The following HIVEP1 variants were observed in gnomAD, a reference collection of about 807,000 sequenced individuals.
The protein encoded by HIVEP1 is zinc finger protein 40.
HIVEP1 carries 36 observed loss-of-function variants against 180.0 expected under a neutral mutation model. That is an observed-to-expected ratio of 0.20 (90% CI 0.15 to 0.26). HIVEP1 has a LOEUF of 0.26. HIVEP1 is among the 10% of genes least tolerant of loss of function. The pLI, the probability that HIVEP1 is intolerant of heterozygous loss-of-function variation, is 1.00. For synonymous variants in HIVEP1, 1,239 were observed against 1,239.0 expected, an observed-to-expected ratio of 1.00 and a Z score of 0.00; for missense variants, 3,143 against 3,268.7, an observed-to-expected ratio of 0.96 and a Z score of 0.94.
the HIVEP1 span, among the ~76,000 whole-genome samples, chr6:12,202,214 G>A: frequency 1.3e-5 from 2 of 151,984 alleles, no homozygotes; most frequent in South Asian, 2.1e-4. Flanking sequence ...GAGTGCGGTG[G>A]TGCGATCACG....
At chr6:12,131,685 A>G (rs549977201) in intron 6 of HIVEP1, among the ~76,000 whole-genome samples, 1 of 148,542 alleles carries the variant, frequency 6.7e-6, no homozygotes, top group East Asian at 2.0e-4. Flanking sequence ...ACAATTTATT[A>G]CTTGAGATTT....
At chr6:12,031,847 T>G (rs1002395244) in intron 2 of HIVEP1, among the ~76,000 whole-genome samples, 4 of 152,208 alleles carry the variant, frequency 2.6e-5, no homozygotes, top group Non-Finnish European at 5.9e-5. Flanking sequence ...TTGTCCTTGC[T>G]GCATTTCCTA....
At chr6:12,034,636 T>C (rs1769164013) in intron 2 of HIVEP1, among the ~76,000 whole-genome samples, 1 of 152,224 alleles carries the variant, frequency 6.6e-6, no homozygotes, top group South Asian at 2.1e-4. Context: ...TCTGATTCCA[T>C]GTGAAAGCTA....
In HIVEP1 at chr6:12,123,905, GATTA is replaced by G; in HGVS notation, c.4114_4117del (p.Asn1372AlafsTer43). On this transcript the variant is annotated frameshift_variant, in exon 4 of 9. Coordinates refer to ENST00000379388, the MANE Select transcript of HIVEP1 (RefSeq NM_002114.4). LOFTEE classifies it high-confidence loss of function. ...AAATGAGGCGTACTGCATCAGAACA[GATTA>G]ATTGCACGCAAACGTCAATGGAGGT... 1 of 1,614,204 alleles carries G rather than the reference GATTA, an allele frequency of 6.2e-7. No homozygotes were observed. Among genetic ancestry groups the G allele is most frequent in the Non-Finnish European group, 8.5e-7 (1 of 1,180,034 alleles).
chr6:12,066,054 C>T (rs1771558744), intron 2 of HIVEP1, among the ~76,000 whole-genome samples: 1 of 152,064 alleles, frequency 6.6e-6, no homozygotes, highest in African/African-American at 2.4e-5. Context: ...GAAGGAACAC[C>T]ATGAGCTTGA....
At chr6:12,085,450 T>C (rs1481133366) in intron 2 of HIVEP1, among the ~76,000 whole-genome samples, 1 of 152,132 alleles carries the variant, frequency 6.6e-6, no homozygotes, top group Non-Finnish European at 1.5e-5. Flanking sequence ...AAGAACCTCG[T>C]TAACCACACA....
chr6:12,031,022 CG>C (rs1249154934), intron 2 of HIVEP1, among the ~76,000 whole-genome samples: 1 of 148,928 alleles, frequency 6.7e-6, no homozygotes, highest in Non-Finnish European at 1.5e-5. Context: ...GGTTTGCTTT[CG>C]TTTGTTTGTT....
intron 6 of HIVEP1, 35 bp downstream of exon 6, chr6:12,130,977 T>C (rs773525606): frequency 6.6e-7 from 1 of 1,515,924 alleles, no homozygotes; most frequent in Non-Finnish European, 9.0e-7. Flanking sequence ...GTCCTTTTAA[T>C]ATGTATTTAG....
At chr6:12,089,696 C>T (rs992936507) in intron 3 of HIVEP1, among the ~76,000 whole-genome samples, 6 of 151,858 alleles carry the variant, frequency 4.0e-5, no homozygotes, top group East Asian at 1.9e-4. Flanking sequence ...GTAGTATACT[C>T]ATATTTTGGG....
At chr6:12,074,636 G>GTGTGTGTGTGTGTGTGTGTA (rs1561914353) in intron 2 of HIVEP1, among the ~76,000 whole-genome samples, 7 of 149,238 alleles carry the variant, frequency 4.7e-5, no homozygotes, top group Non-Finnish European at 7.5e-5. Context: ...GTGTGTGTGT[G>GTGTGTGTGTGTGTGTGTGTA]TGTGTGTGCG....
intron 2 of HIVEP1, among the ~76,000 whole-genome samples, chr6:12,084,792 C>T (rs4339450): frequency 0.41 from 62,930 of 151,770 alleles, 13,981 homozygotes; most frequent in East Asian, 0.7. Flanking sequence ...AGAGGGAGGA[C>T]GTACGGGTGC....
intron 2 of HIVEP1, among the ~76,000 whole-genome samples, chr6:12,057,133 A>C (rs752663273): frequency 1.3e-5 from 2 of 152,184 alleles, no homozygotes; most frequent in African/African-American, 2.4e-5. Flanking sequence ...CTGATGACAA[A>C]GCTATCCTTA....
At chr6:12,095,208 A>G (rs1035415787) in intron 3 of HIVEP1, among the ~76,000 whole-genome samples, 2 of 151,456 alleles carry the variant, frequency 1.3e-5, no homozygotes, top group African/African-American at 4.8e-5. Context: ...CCAACATCTG[A>G]TTTTCATGAT....
At chr6:12,150,629 TA>T (rs1476106824) in intron 7 of HIVEP1, among the ~76,000 whole-genome samples, 1 of 152,190 alleles carries the variant, frequency 6.6e-6, no homozygotes. Flanking sequence ...CTTCCATGTG[TA>T]GAATATGAAA....
chr6:12,088,980 TAGTC>T, intron 2 of HIVEP1, among the ~76,000 whole-genome samples, 200 bp from the exon 3 acceptor site: 1 of 152,290 alleles, frequency 6.6e-6, no homozygotes, highest in Admixed American at 6.5e-5. Flanking sequence ...TAATTGGAAA[TAGTC>T]CTTGTGACTA....
intron 2 of HIVEP1, among the ~76,000 whole-genome samples, chr6:12,071,726 C>A (rs1771980259): frequency 6.6e-6 from 1 of 152,036 alleles, no homozygotes; most frequent in Non-Finnish European, 1.5e-5. Flanking sequence ...ATCATTTCAG[C>A]CTAGTGTTTT....
At chr6:12,207,871 A>C in the HIVEP1 span, among the ~76,000 whole-genome samples, 49 of 149,696 alleles carry the variant, frequency 3.3e-4, no homozygotes, top group African/African-American at 1.2e-3. Flanking sequence ...AGCTGTGATC[A>C]CACCACTGCA....
intron 2 of HIVEP1, among the ~76,000 whole-genome samples, chr6:12,051,924 C>G (rs1770569165): frequency 6.6e-6 from 1 of 151,958 alleles, no homozygotes; most frequent in Non-Finnish European, 1.5e-5. Flanking sequence ...ATAAACTTGC[C>G]CAGATGAGTT....
intron 3 of HIVEP1, among the ~76,000 whole-genome samples, chr6:12,092,865 T>C (rs1269448643): frequency 1.3e-5 from 2 of 152,196 alleles, no homozygotes; most frequent in Admixed American, 1.3e-4. Flanking sequence ...TTCAGAGAGC[T>C]CTGCCGAGCA....
Sources: gnomAD v4.1 joint callset for allele counts (sites outside exome capture counted in the v4.1 genomes callset) on GRCh38, gnomAD v4.1.1 for gene constraint, MANE v1.5 for transcripts, NCBI Gene and HGNC (gene_info 2026-07-23, HGNC 2026-07-21) for gene names.